TIMP2: variants seen among roughly 807,000 people sequenced by gnomAD.
The protein encoded by TIMP2 is TIMP metallopeptidase inhibitor 2.
Under a neutral mutation model 24.3 loss-of-function variants are expected in TIMP2, and 5 were observed. That is an observed-to-expected ratio of 0.21 (90% CI 0.11 to 0.43). The LOEUF (loss-of-function observed/expected upper bound fraction) is 0.43. Ranked by LOEUF, TIMP2 falls within the 20% of genes least tolerant of loss-of-function variation. The probability of loss-of-function intolerance (pLI) is 1.00; values close to 1 mark genes in which losing one functional copy is unlikely to be tolerated. For synonymous variants in TIMP2, 130 were observed against 123.2 expected, an observed-to-expected ratio of 1.06 and a Z score of -0.37; for missense variants, 221 against 297.5, an observed-to-expected ratio of 0.74 and a Z score of 1.89.
chr17:78,872,494 C>T (rs2069694546), intron 2 of TIMP2, among the ~76,000 whole-genome samples: 1 of 152,074 alleles, frequency 6.6e-6, no homozygotes, highest in Non-Finnish European at 1.5e-5. Context: ...GTTTTTTTCC[C>T]CCCGAAGAGT....
chr17:78,915,209 T>C (rs1824460662), intron 1 of TIMP2, among the ~76,000 whole-genome samples: 1 of 152,150 alleles, frequency 6.6e-6, no homozygotes, highest in Non-Finnish European at 1.5e-5. Flanking sequence ...GTCTGGGCTT[T>C]TGAAAGTACT....
intron 1 of TIMP2, among the ~76,000 whole-genome samples, chr17:78,886,278 T>C (rs1009180746): frequency 6.6e-6 from 1 of 152,160 alleles, no homozygotes; most frequent in African/African-American, 2.4e-5. Flanking sequence ...GGGTCACAAA[T>C]GCTACCTTTG....
intron 1 of TIMP2, among the ~76,000 whole-genome samples, chr17:78,890,243 C>A (rs1336693714): frequency 6.6e-6 from 1 of 151,066 alleles, no homozygotes; most frequent in African/African-American, 2.4e-5. Flanking sequence ...ACTCTGTCAC[C>A]CAGGCTGGAG....
Position 78,891,003 on chromosome 17 carries a change from A to T in TIMP2, c.131-17084T>A. ...ATCTCTGCTTTCTGCCTTTGCCTGG[A>T]TGCCGTCGAGCCCACTCTGTCTGCC... On this transcript the variant is annotated intron_variant, in intron 1 of 4. Transcript: ENST00000262768. This position sits in a 1 kb window ranked among gnomAD's most constrained non-coding sequence, Gnocchi z 4.5. 1 of 1,551,026 alleles carries T rather than the reference A, an allele frequency of 6.4e-7. No individual in the cohort carries two copies. Among genetic ancestry groups the T allele is most frequent in the Non-Finnish European group, 8.7e-7 (1 of 1,147,118 alleles).
intron 3 of TIMP2, among the ~76,000 whole-genome samples, chr17:78,861,652 G>A (rs2069568152): frequency 6.6e-6 from 1 of 151,430 alleles, no homozygotes. Flanking sequence ...ACCGAGGCTG[G>A]AGTGCAGCGG....
intron 1 of TIMP2, among the ~76,000 whole-genome samples, chr17:78,921,016 C>T (rs2070304814): frequency 6.6e-6 from 1 of 152,242 alleles, no homozygotes; most frequent in South Asian, 2.1e-4. Flanking sequence ...CGATCACATA[C>T]TTCGCACAAC....
chr17:78,867,594 CT>C (rs58975858), intron 3 of TIMP2, among the ~76,000 whole-genome samples: 6,500 of 127,584 alleles, frequency 0.051, 363 homozygotes, highest in African/African-American at 0.18. Context: ...TTTGTACCTT[CT>C]TTTTTTTTTT....
At chr17:78,865,169 G>A (rs1310865243) in intron 3 of TIMP2, among the ~76,000 whole-genome samples, 1 of 152,194 alleles carries the variant, frequency 6.6e-6, no homozygotes, top group Non-Finnish European at 1.5e-5. Context: ...TGTACGAGGT[G>A]TCTAGAATGG....
rs180856125 is a variant in TIMP2, at chr17:78,865,091, C to T, written c.340+5807G>A. Among the ~76,000 whole-genome samples the T allele has an allele frequency of 2.2e-4, 34 of 152,200 alleles. No individual in the cohort carries two copies. The East Asian group carries it at 3.3e-3, about 15-fold the overall frequency. The stretch of plus-strand genomic sequence containing the variant: ...AAATAAAATCTGACCCATGCTACAA[C>T]ATGGATGAACTTGAGGACATTATGC... On this transcript the variant is annotated intron_variant, in intron 3 of 4. Coordinates refer to ENST00000262768, the MANE Select transcript of TIMP2 (RefSeq NM_003255.5).
chr17:78,893,359 G>C (rs1177782949), intron 1 of TIMP2, among the ~76,000 whole-genome samples: 8 of 148,386 alleles, frequency 5.4e-5, no homozygotes, highest in African/African-American at 2.0e-4. Flanking sequence ...GGGTGTGTGT[G>C]CAGGGGTGTG....
chr17:78,924,897 G>A lies in TIMP2; in HGVS notation c.130+62C>T, dbSNP rs898021090. 4.6e-5 allele frequency: 49 copies of A among 1,058,766 alleles called. No homozygotes were observed. In the South Asian group the frequency reaches 1.8e-3, roughly 39 times the overall value. The allele number at this position is 1,058,766 out of a possible 1,614,324, so 65.6% of individuals were successfully genotyped here. ...AGCGGCGGGCGGGCGGGGCGTCTGC[G>A]AACCCTCGGGGTCGCGGGGGAGGTG... is the stretch of plus-strand genomic sequence containing the variant. On this transcript the variant is annotated intron_variant, in intron 1 of 4. Coordinates refer to ENST00000262768, the MANE Select transcript of TIMP2 (RefSeq NM_003255.5). The surrounding 1 kb of genome is among the most constrained non-coding windows in gnomAD (Gnocchi z 5.3).
intron 3 of TIMP2, among the ~76,000 whole-genome samples, chr17:78,860,901 T>C (rs1399579275): frequency 6.6e-6 from 1 of 151,876 alleles, no homozygotes; most frequent in Non-Finnish European, 1.5e-5. Flanking sequence ...CTGGGGGTGG[T>C]GGTGCATGCC....
chr17:78,890,995 T>C, intron 1 of TIMP2: 1 of 1,551,202 alleles, frequency 6.4e-7, no homozygotes, highest in Non-Finnish European at 8.7e-7. Flanking sequence ...CTTTCTGCCT[T>C]TGCCTGGATG....
intron 3 of TIMP2, among the ~76,000 whole-genome samples, chr17:78,870,010 A>T (rs916539477): frequency 6.6e-6 from 1 of 152,148 alleles, no homozygotes; most frequent in African/African-American, 2.4e-5. Context: ...GGAAGAGAGA[A>T]GGGGGAGTTA....
chr17:78,899,011 T>C (rs1474088008), intron 1 of TIMP2: 1 of 152,396 alleles, frequency 6.6e-6, no homozygotes, highest in Non-Finnish European at 1.5e-5. Flanking sequence ...GTGCTGGGAT[T>C]CCAGGCATGA....
rs2070341528 is a variant in TIMP2 at position 78,925,198 on chromosome 17, C to T, written c.-110G>A. On this transcript the variant is annotated 5_prime_UTR_variant, in exon 1 of 5. Coordinates refer to ENST00000262768, the MANE Select transcript of TIMP2 (RefSeq NM_003255.5). ...GGGCTGAGCCGGGGCCGAGGCGGGCCCCTCCCGCGCGGCTCACCCTCCTCA... is the reference window on the plus strand; with the variant it reads ...GGGCTGAGCCGGGGCCGAGGCGGGCTCCTCCCGCGCGGCTCACCCTCCTCA... 3.8e-6 allele frequency: 1 copy of T among 262,378 alleles called. No individual in the cohort carries two copies. Among genetic ancestry groups the T allele is most frequent in the South Asian group, 1.4e-4 (1 of 7,246 alleles). 16.3% of individuals were successfully genotyped at this position (262,378 alleles called of 1,614,324 possible). A position where few individuals can be genotyped will look rare whatever the true frequency, so the allele number is the denominator to read the frequency against.
intron 4 of TIMP2, chr17:78,856,194 T>C: frequency 2.9e-6 from 1 of 345,252 alleles, no homozygotes; most frequent in Middle Eastern, 9.2e-4. Context: ...TAAAAGGGCC[T>C]GGGTTTCCTG....
At chr17:78,923,401 G>GGA (rs1555653545) in intron 1 of TIMP2, among the ~76,000 whole-genome samples, 3 of 137,126 alleles carry the variant, frequency 2.2e-5, no homozygotes, top group Admixed American at 2.1e-4. Context: ...CGGGGTGGGG[G>GGA]GGGGGGCGGG....
chr17:78,911,379 A>G (rs6501267), intron 1 of TIMP2, among the ~76,000 whole-genome samples: 85,565 of 151,722 alleles, frequency 0.56, 24,701 homozygotes, highest in African/African-American at 0.7. Context: ...AGAAGGGTCT[A>G]GGACAAACTA....
Sources: allele counts gnomAD v4.1 joint callset (sites outside exome capture counted in the v4.1 genomes callset), GRCh38; gene constraint gnomAD v4.1.1; non-coding constraint Gnocchi (gnomAD v3.1); transcripts MANE v1.5; gene names NCBI Gene and HGNC (gene_info 2026-07-23, HGNC 2026-07-21).